Variants in CLNK observed in about 807,000 individuals in gnomAD.
CLNK encodes the protein cytokine dependent hematopoietic cell linker.
CLNK carries 74 observed loss-of-function variants against 68.6 expected under a neutral mutation model. That is an observed-to-expected ratio of 1.08 (90% CI 0.89 to 1.31). The LOEUF (loss-of-function observed/expected upper bound fraction) is 1.31, where lower values mean the gene tolerates loss of function less well. Ranked by LOEUF, CLNK falls within the 50% of genes most tolerant of loss-of-function variation. The probability of loss-of-function intolerance (pLI) is 0.00; values close to 1 mark genes in which losing one functional copy is unlikely to be tolerated. For missense variants in CLNK, 553 were observed against 515.3 expected (o/e 1.07, Z -0.71); for synonymous variants, 198 against 172.2 (o/e 1.15, Z -1.17).
chr4:10,649,106 A>G (rs1446186471), intron 2 of CLNK, among the ~76,000 whole-genome samples: 1 of 152,204 alleles, frequency 6.6e-6, no homozygotes, highest in Non-Finnish European at 1.5e-5. Context: ...CAGATGTGTT[A>G]CTTTTCTTTA....
chr4:10,558,915 C>T (rs1043093925), intron 7 of CLNK, among the ~76,000 whole-genome samples: 2 of 152,128 alleles, frequency 1.3e-5, no homozygotes, highest in African/African-American at 4.8e-5. Flanking sequence ...ACTGTGAGAA[C>T]ATGACAAATT....
At chr4:10,614,910 T>TGCG (rs1722168729) in intron 2 of CLNK, among the ~76,000 whole-genome samples, 1 of 152,000 alleles carries the variant, frequency 6.6e-6, no homozygotes. Flanking sequence ...AGGGGCTGGG[T>TGCG]GCGGTGGCTC....
intron 5 of CLNK, among the ~76,000 whole-genome samples, chr4:10,569,188 C>CTTTTTTTTTTTTT (rs57423330): frequency 8.0e-6 from 1 of 124,416 alleles, no homozygotes. Flanking sequence ...CAAGACTGCC[C>CTTTTTTTTTTTTT]TTTTTTTTTT....
At chr4:10,703,842 C>T in the CLNK span, among the ~76,000 whole-genome samples, 1 of 152,032 alleles carries the variant, frequency 6.6e-6, no homozygotes, top group Non-Finnish European at 1.5e-5. Context: ...AGAAAAGGTA[C>T]AGTAATAATA....
chr4:10,634,896 A>T (rs148563953), intron 2 of CLNK, among the ~76,000 whole-genome samples: 1 of 152,148 alleles, frequency 6.6e-6, no homozygotes, highest in Non-Finnish European at 1.5e-5. Flanking sequence ...GAAACTGAGG[A>T]CCAGAGAGAG....
At chr4:10,633,027 T>C (rs1722949600) in intron 2 of CLNK, among the ~76,000 whole-genome samples, 1 of 152,192 alleles carries the variant, frequency 6.6e-6, no homozygotes, top group Non-Finnish European at 1.5e-5. Context: ...AACTTCTGCC[T>C]CCTGGGTTCA....
At chr4:10,657,943 T>A (rs1724044931) in intron 2 of CLNK, among the ~76,000 whole-genome samples, 1 of 152,238 alleles carries the variant, frequency 6.6e-6, no homozygotes, top group Admixed American at 6.5e-5. Context: ...GTCTTAATGT[T>A]ATTCTTTACA....
At chr4:10,703,701 C>T in the CLNK span, among the ~76,000 whole-genome samples, 1 of 152,308 alleles carries the variant, frequency 6.6e-6, no homozygotes, top group South Asian at 2.1e-4. Flanking sequence ...GCCTACTACA[C>T]ACCTAGGCAT....
chr4:10,688,336 C>T (rs1725343422), upstream of CLNK, among the ~76,000 whole-genome samples: 1 of 152,056 alleles, frequency 6.6e-6, no homozygotes, highest in Non-Finnish European at 1.5e-5. Flanking sequence ...GAATAGTCTA[C>T]TCAAGGCATG....
At chr4:10,527,984 CA>C in intron 13 of CLNK, 91 bp downstream of exon 13, 1 of 658,248 alleles carries the variant, frequency 1.5e-6, no homozygotes, top group Non-Finnish European at 2.2e-6. Flanking sequence ...TCCAAACAAT[CA>C]ATCCTTTTTA....
chr4:10,556,227 A>G (rs1337952666), intron 8 of CLNK, among the ~76,000 whole-genome samples: 4 of 152,242 alleles, frequency 2.6e-5, no homozygotes, highest in Non-Finnish European at 4.4e-5. Flanking sequence ...GTTTCTTGTA[A>G]TGGGAAATTC....
chr4:10,613,960 G>A (rs914755277), intron 2 of CLNK, among the ~76,000 whole-genome samples: 1 of 152,240 alleles, frequency 6.6e-6, no homozygotes, highest in Non-Finnish European at 1.5e-5. Flanking sequence ...GGAGCCAGGT[G>A]CTGACCAAGG....
At chr4:10,497,738 T>G (rs6852758) in intron 18 of CLNK, among the ~76,000 whole-genome samples, 151,266 of 152,360 alleles carry the variant, frequency 0.99, 75,104 homozygotes, top group East Asian at 1. Context: ...CAGTAAATGA[T>G]GTTCATTAAT....
At chr4:10,533,259 AAAACAAAC>A (rs201766977) in intron 11 of CLNK, among the ~76,000 whole-genome samples, 13 of 152,286 alleles carry the variant, frequency 8.5e-5, no homozygotes, top group African/African-American at 2.2e-4. Flanking sequence ...ACTCCATTTC[AAAACAAAC>A]AAACAAACAA....
At chr4:10,540,463 G>T in intron 11 of CLNK, 31 bp downstream of exon 11, 1 of 1,520,442 alleles carries the variant, frequency 6.6e-7, no homozygotes, top group Non-Finnish European at 9.1e-7. Context: ...ACTCTTGCTG[G>T]TCATTTCACC....
At chr4:10,495,654 G>T (rs1458335174) in intron 18 of CLNK, among the ~76,000 whole-genome samples, 2 of 152,122 alleles carry the variant, frequency 1.3e-5, no homozygotes, top group African/African-American at 4.8e-5. Flanking sequence ...TATAATACAG[G>T]ATAAAGTTAA....
intron 2 of CLNK, among the ~76,000 whole-genome samples, chr4:10,616,811 T>TATATATATATAC (rs1482003559): frequency 8.7e-5 from 6 of 68,864 alleles, no homozygotes; most frequent in Non-Finnish European, 1.8e-4. Flanking sequence ...TATATATATA[T>TATATATATATAC]ATATATATAT....
At chr4:10,672,999 A>T (rs61796846) in intron 1 of CLNK, among the ~76,000 whole-genome samples, 1 of 152,152 alleles carries the variant, frequency 6.6e-6, no homozygotes, top group African/African-American at 2.4e-5. Context: ...TTCTGAGTCA[A>T]TTTTTAGCGG....
At chr4:10,537,197 G>T (rs1718791382) in intron 11 of CLNK, among the ~76,000 whole-genome samples, 1 of 152,170 alleles carries the variant, frequency 6.6e-6, no homozygotes, top group East Asian at 1.9e-4. Flanking sequence ...ACAGCCTCTG[G>T]CTGGGCACGG....
Sources: allele counts gnomAD v4.1 joint callset (sites outside exome capture counted in the v4.1 genomes callset), GRCh38; gene constraint gnomAD v4.1.1; transcripts MANE v1.5; gene names NCBI Gene and HGNC (gene_info 2026-07-23, HGNC 2026-07-21).